The following TNRC18 variants were observed in gnomAD, a reference collection of about 807,000 sequenced individuals.
The protein encoded by TNRC18 is trinucleotide repeat containing 18, also known as trinucleotide repeat-containing gene 18 protein.
In TNRC18, 69 loss-of-function variants were observed where a neutral mutation model predicts 226.7. The observed-to-expected ratio is 0.30, with a 90% CI of 0.25 to 0.37. The LOEUF is 0.37. TNRC18 is among the 10% of genes least tolerant of loss of function. TNRC18 has a pLI of 1.00. For missense variants in TNRC18, 4,754 were observed against 4,256.6 expected, an observed-to-expected ratio of 1.12 and a Z score of -3.25; for synonymous variants, 2,449 against 1,927.6, an observed-to-expected ratio of 1.27 and a Z score of -7.09.
At chr7:5,379,196 G>A (rs1247056167) in intron 5 of TNRC18, among the ~76,000 whole-genome samples, 12 of 145,504 alleles carry the variant, frequency 8.2e-5, no homozygotes, top group South Asian at 4.4e-4. Context: ...ATAAGACTCC[G>A]TCAAAAAAAA....
chr7:5,363,379 G>A (rs910421894), intron 11 of TNRC18, among the ~76,000 whole-genome samples: 13 of 152,244 alleles, frequency 8.5e-5, no homozygotes, highest in Admixed American at 7.8e-4. Flanking sequence ...GAGGCGGGCA[G>A]ATCATGAGGT....
chr7:5,347,178 C>CA (rs201113775), intron 17 of TNRC18, among the ~76,000 whole-genome samples: 30 of 141,636 alleles, frequency 2.1e-4, no homozygotes, highest in South Asian at 6.7e-4. Context: ...CTTGTCTCTA[C>CA]AAAAAAAAAA....
chr7:5,321,123 A>G lies in TNRC18; in HGVS notation c.6510T>C (p.Asp2170=), dbSNP rs368961810. The G allele has an allele frequency of 1.2e-5, 18 of 1,555,680 alleles. No individual in the cohort carries two copies. The African/African-American group carries it at 2.5e-4, about 21-fold the overall frequency. The change falls in exon 22 of 30, where the codon GAT becomes GAC. Residue 2170 remains aspartate (D), a synonymous_variant. Transcript: ENST00000430969. ...KDGLRVLIPM[D]DKLLYAGHVQ... ...CGTGCCCGGCGTACAGCAGCTTGTC[A>G]TCCATGGGGATGAGCACACGCAGGC... is the stretch of plus-strand genomic sequence containing the variant.
intron 2 of TNRC18, among the ~76,000 whole-genome samples, chr7:5,403,921 G>A (rs1376550425): frequency 6.6e-6 from 1 of 152,108 alleles, no homozygotes; most frequent in African/African-American, 2.4e-5. Context: ...AGGTAACATA[G>A]GTGTTTCCGA....
intron 17 of TNRC18, among the ~76,000 whole-genome samples, chr7:5,346,517 A>AATAAG (rs1791215018): frequency 6.6e-6 from 1 of 152,174 alleles, no homozygotes; most frequent in Non-Finnish European, 1.5e-5. Context: ...AATAAAATAA[A>AATAAG]GTTGACCCCA....
chr7:5,398,089 C>G (rs1430134633), intron 2 of TNRC18, among the ~76,000 whole-genome samples: 1 of 152,136 alleles, frequency 6.6e-6, no homozygotes, highest in South Asian at 2.1e-4. Context: ...CAGCCTCCAA[C>G]TCCTGAGCTC....
At chr7:5,371,494 G>A (rs911568029) in intron 10 of TNRC18, 130 bp from the exon 11 acceptor site, 2 of 1,224,128 alleles carry the variant, frequency 1.6e-6, no homozygotes, top group Non-Finnish European at 2.2e-6. Flanking sequence ...CTACAGGGTG[G>A]GAGCTGTTCT....
chr7:5,356,827 G>T (rs1158222503), intron 16 of TNRC18, 89 bp downstream of exon 16: 2 of 1,201,986 alleles, frequency 1.7e-6, no homozygotes, highest in African/African-American at 4.1e-5. Context: ...AGAGAGTGAG[G>T]GGCGGGGGGG....
chr7:5,363,520 C>T (rs1793292436), intron 11 of TNRC18, among the ~76,000 whole-genome samples: 1 of 152,104 alleles, frequency 6.6e-6, no homozygotes, highest in Admixed American at 6.6e-5. Flanking sequence ...AGGAGAATGG[C>T]GAGAACCTGG....
At position 5,325,183 on chromosome 7, in the gene TNRC18, G is replaced by C. The variant is rs778067892; in HGVS notation, c.6213C>G (p.Pro2071=). Residue 2071 remains proline, a synonymous_variant, in exon 20 of 30, where the codon CCC becomes CCG. Transcript: ENST00000430969. ...TGGCGTGAGGAGCCCTGGCCTCAGA[G>C]GGCAAGGCAGGAGCTCGGGGCGGCG... The part of the protein sequence containing the change: ...GLPPPRAPAL[P]SEARAPHASS... 6.4e-7 allele frequency: 1 copy of C among 1,553,892 alleles called. No individual in the cohort carries two copies.
At chr7:5,314,285 A>C (rs1232826136) in intron 26 of TNRC18, among the ~76,000 whole-genome samples, 3 of 152,096 alleles carry the variant, frequency 2.0e-5, no homozygotes, top group African/African-American at 7.2e-5. Context: ...GCCTGGTTTC[A>C]ATCCTGGCCC....
At position 5,312,022 on chromosome 7, in the gene TNRC18, G is replaced by A. The variant is rs528924739; in HGVS notation, c.8388+481C>T. ...GTGGTGGCGTGCGCCTGTAATCCCA[G>A]CTACTTGGGAGGCTGACGCAGGAGA... On this transcript the variant is annotated intron_variant, in intron 27 of 29. Transcript: ENST00000430969. The surrounding 1 kb of genome is among the most constrained non-coding windows in gnomAD (Gnocchi z 6.3). Among the ~76,000 whole-genome samples, 4 of 152,278 alleles carry A rather than the reference G, an allele frequency of 2.6e-5. No individual in the cohort carries two copies. In the East Asian group the frequency reaches 7.7e-4, roughly 29 times the overall value.
intron 16 of TNRC18, among the ~76,000 whole-genome samples, chr7:5,356,149 G>A (rs574757564): frequency 4.0e-5 from 6 of 148,774 alleles, no homozygotes; most frequent in South Asian, 2.1e-4. Flanking sequence ...GGACGACAGA[G>A]TGAGACTCCG....
Position 5,335,227 on chromosome 7 carries a change from C to T in TNRC18, c.5720-2178G>A, listed in dbSNP as rs551000698. On this transcript the variant is annotated intron_variant, in intron 18 of 29. Coordinates refer to ENST00000430969, the MANE Select transcript of TNRC18 (RefSeq NM_001080495.3). ...CTTAGGCAGGAGAATCACTTGGACC[C>T]GGAGGTGGAGGCTGCAGTGAGCAGA... Among the ~76,000 whole-genome samples the T allele has an allele frequency of 1.3e-4, 17 of 133,264 alleles. No homozygotes were observed. The East Asian group carries it at 2.0e-3, about 15-fold the overall frequency. The allele number at this position is 133,264 out of a possible 152,430, so 87.4% of individuals were successfully genotyped here.
intron 11 of TNRC18, 57 bp from the exon 12 acceptor site, chr7:5,362,882 C>T (rs765893766): frequency 1.3e-5 from 19 of 1,434,294 alleles, no homozygotes; most frequent in East Asian, 7.7e-5. Flanking sequence ...CAACCCCAAA[C>T]GGGGATGCCG....
chr7:5,309,390 G>A lies in TNRC18; in HGVS notation c.8389-22C>T, dbSNP rs540131711. 54 of 1,586,810 alleles carry A rather than the reference G, an allele frequency of 3.4e-5. No individual in the cohort carries two copies. The highest frequency in any genetic ancestry group is 2.1e-4 in the African/African-American group (16 of 74,538). ...GCCGCTGCAAGGACACGTGTGTCAC[G>A]GCACAGGCCCTGGCCCAGCCCCAAG... On this transcript the variant is annotated intron_variant, in intron 27 of 29. Coordinates refer to ENST00000430969, the MANE Select transcript of TNRC18 (RefSeq NM_001080495.3). This position sits in a 1 kb window ranked among gnomAD's most constrained non-coding sequence, Gnocchi z 5.7.
chr7:5,332,544 GC>G, intron 19 of TNRC18, 77 bp downstream of exon 19: 1 of 1,424,502 alleles, frequency 7.0e-7, no homozygotes, highest in Non-Finnish European at 9.2e-7. Flanking sequence ...GCTTCCCTAG[GC>G]TGGGAGGGGA....
At chr7:5,367,697 G>T (rs1583937776) in intron 11 of TNRC18, among the ~76,000 whole-genome samples, 1 of 151,762 alleles carries the variant, frequency 6.6e-6, no homozygotes, top group Non-Finnish European at 1.5e-5. Context: ...CAAAATGCTG[G>T]GATTACAGGC....
Position 5,309,171 on chromosome 7 carries a change from G to C in TNRC18, c.8586C>G (p.Pro2862=), listed in dbSNP as rs375916594. 8 of 1,612,348 alleles carry C rather than the reference G, an allele frequency of 5.0e-6. No individual in the cohort carries two copies. Among genetic ancestry groups the C allele is most frequent in the Admixed American group, 3.3e-5 (2 of 59,934 alleles). Residue 2862 remains proline, a synonymous_variant, in exon 28 of 30, where the codon CCC becomes CCG. Coordinates refer to ENST00000430969, the MANE Select transcript of TNRC18 (RefSeq NM_001080495.3). This position sits in a 1 kb window ranked among gnomAD's most constrained non-coding sequence, Gnocchi z 5.7. ...MVVRVKWFYH[P]EETSPGKQFH... is the part of the protein sequence containing the mutation. ...ACTGCTTGCCCGGGCTGGTCTCCTC[G>C]GGGTGGTAGAACCACTTGACGCGGA...
Sources: gnomAD v4.1 joint callset for allele counts (sites outside exome capture counted in the v4.1 genomes callset) on GRCh38, gnomAD v4.1.1 for gene constraint, Gnocchi (gnomAD v3.1) non-coding constraint, MANE v1.5 for transcripts, NCBI Gene and HGNC (gene_info 2026-07-23, HGNC 2026-07-21) for gene names.